The following TMEM117 variants were observed in gnomAD, a reference collection of about 807,000 sequenced individuals.
The protein encoded by TMEM117 is transmembrane protein 117.
Under a neutral mutation model 52.4 loss-of-function variants are expected in TMEM117, and 27 were observed. The observed-to-expected ratio is 0.51, with a 90% CI of 0.38 to 0.71. The LOEUF is 0.71. Among genes scored for constraint, TMEM117 ranks in the 30% least tolerant of loss-of-function variants. The pLI, the probability that TMEM117 is intolerant of heterozygous loss-of-function variation, is 0.00. For synonymous variants in TMEM117, 215 were observed against 206.3 expected (o/e 1.04, Z -0.36); for missense variants, 556 against 630.5 (o/e 0.88, Z 1.26).
At chr12:44,163,417 T>G (rs956558128) in intron 4 of TMEM117, among the ~76,000 whole-genome samples, 2 of 152,182 alleles carry the variant, frequency 1.3e-5, no homozygotes, top group Non-Finnish European at 2.9e-5. Flanking sequence ...TAATATAAAT[T>G]TTCTATCTTT....
intron 3 of TMEM117, among the ~76,000 whole-genome samples, chr12:44,093,775 T>G (rs1046570242): frequency 2.0e-5 from 3 of 152,020 alleles, no homozygotes; most frequent in African/African-American, 7.3e-5. Flanking sequence ...TGTGAGAAAA[T>G]TGATCTTTCT....
intron 2 of TMEM117, among the ~76,000 whole-genome samples, chr12:43,853,909 A>G (rs756998758): frequency 8.5e-5 from 13 of 152,152 alleles, no homozygotes; most frequent in Non-Finnish European, 1.8e-4. Context: ...TTCCTTATAG[A>G]TTTCAGGTCA....
chr12:43,913,307 G>A (rs1441839843), intron 2 of TMEM117, among the ~76,000 whole-genome samples: 2 of 152,116 alleles, frequency 1.3e-5, no homozygotes, highest in Non-Finnish European at 2.9e-5. Flanking sequence ...CCACAGGAAA[G>A]TGCCTCATAT....
At chr12:43,820,069 T>C in the TMEM117 span, among the ~76,000 whole-genome samples, 2 of 152,236 alleles carry the variant, frequency 1.3e-5, no homozygotes, top group Admixed American at 6.5e-5. Flanking sequence ...TCTACCTCTC[T>C]AGCTCTTAAC....
intron 5 of TMEM117, among the ~76,000 whole-genome samples, chr12:44,297,776 A>G (rs1304834113): frequency 1.3e-5 from 2 of 152,344 alleles, no homozygotes; most frequent in East Asian, 3.9e-4. Context: ...AGAAAACAAA[A>G]TCAAAAACAC....
chr12:44,148,406 G>A (rs1439250909), intron 4 of TMEM117, among the ~76,000 whole-genome samples: 1 of 152,130 alleles, frequency 6.6e-6, no homozygotes, highest in Non-Finnish European at 1.5e-5. Context: ...TTATTTCTCT[G>A]TATTGAGGAT....
intron 3 of TMEM117, among the ~76,000 whole-genome samples, chr12:44,138,865 CATT>C (rs1948529807): frequency 8.5e-5 from 13 of 152,088 alleles, no homozygotes; most frequent in Admixed American, 8.5e-4. Flanking sequence ...TGACTGGAGT[CATT>C]AATCTAGTTA....
chr12:43,797,692 A>G, the TMEM117 span: 1 of 1,609,168 alleles, frequency 6.2e-7, no homozygotes, highest in Non-Finnish European at 8.5e-7. Flanking sequence ...CTTAATAATC[A>G]TTATACATCT....
At chr12:44,277,920 T>C (rs1409474265) in intron 5 of TMEM117, among the ~76,000 whole-genome samples, 2 of 151,846 alleles carry the variant, frequency 1.3e-5, no homozygotes, top group Non-Finnish European at 2.9e-5. Context: ...CATGCCACCA[T>C]GCCCAGCTAA....
intron 2 of TMEM117, among the ~76,000 whole-genome samples, chr12:43,942,429 GATTAA>G (rs1945058507): frequency 6.6e-6 from 1 of 152,000 alleles, no homozygotes; most frequent in Non-Finnish European, 1.5e-5. Context: ...CATAATTATT[GATTAA>G]ATTAATCAGC....
intron 6 of TMEM117, among the ~76,000 whole-genome samples, chr12:44,342,863 GTTTGTT>G (rs1190160608): frequency 6.6e-6 from 1 of 151,804 alleles, no homozygotes; most frequent in Non-Finnish European, 1.5e-5. Context: ...AAAGAGAATG[GTTTGTT>G]TTTGTTTTTG....
chr12:44,242,540 T>C (rs1950075997), intron 5 of TMEM117, among the ~76,000 whole-genome samples: 1 of 151,786 alleles, frequency 6.6e-6, no homozygotes, highest in Non-Finnish European at 1.5e-5. Context: ...CAATCTGTCA[T>C]TGATGGGCAT....
Position 43,944,196 on chromosome 12 carries a change from T to C in TMEM117, c.278-14T>C. 2 of 1,601,610 alleles carry C rather than the reference T, an allele frequency of 1.2e-6. No individual in the cohort carries two copies. The highest frequency in any genetic ancestry group is 1.7e-6 in the Non-Finnish European group (2 of 1,174,694). On this transcript the variant is annotated splice_polypyrimidine_tract_variant and intron_variant, in intron 2 of 7. Transcript: ENST00000266534. ...TACAGTGTACATTAATTTTTAATAATATTTGTATTTCAGGTCAGTTGCTCC... is the reference window on the plus strand; with the variant it reads ...TACAGTGTACATTAATTTTTAATAACATTTGTATTTCAGGTCAGTTGCTCC...
At chr12:44,327,696 A>G (rs1335627570) in intron 6 of TMEM117, among the ~76,000 whole-genome samples, 2 of 152,012 alleles carry the variant, frequency 1.3e-5, no homozygotes, top group Non-Finnish European at 1.5e-5. Flanking sequence ...TCTTATTGTT[A>G]CATAGAAATA....
intron 3 of TMEM117, among the ~76,000 whole-genome samples, chr12:43,953,958 C>A (rs370159699): frequency 1.3e-5 from 2 of 152,296 alleles, no homozygotes; most frequent in East Asian, 1.9e-4. Flanking sequence ...AAAAGTCTCT[C>A]AGACCACAGT....
intron 3 of TMEM117, among the ~76,000 whole-genome samples, chr12:44,090,362 CTT>C (rs1324806679): frequency 6.6e-6 from 1 of 151,558 alleles, no homozygotes; most frequent in Non-Finnish European, 1.5e-5. Context: ...TTGTTCCTGT[CTT>C]TGAGTGCAGG....
At chr12:44,235,486 G>C (rs569683905) in intron 5 of TMEM117, among the ~76,000 whole-genome samples, 4 of 150,658 alleles carry the variant, frequency 2.7e-5, no homozygotes, top group Non-Finnish European at 4.4e-5. Context: ...CTTTTTTGAT[G>C]TTTTTGATTG....
chr12:44,242,477 T>G (rs1950075101), intron 5 of TMEM117, among the ~76,000 whole-genome samples: 1 of 151,922 alleles, frequency 6.6e-6, no homozygotes, highest in Non-Finnish European at 1.5e-5. Flanking sequence ...TCTCATTCTT[T>G]TTTTATGGCT....
chr12:43,997,581 A>C (rs1039559514), intron 3 of TMEM117, among the ~76,000 whole-genome samples: 1 of 152,216 alleles, frequency 6.6e-6, no homozygotes, highest in East Asian at 1.9e-4. Flanking sequence ...TTCTAAAAAT[A>C]AGAACACCTT....
Sources: allele counts gnomAD v4.1 joint callset (sites outside exome capture counted in the v4.1 genomes callset), GRCh38; gene constraint gnomAD v4.1.1; transcripts MANE v1.5; gene names NCBI Gene and HGNC (gene_info 2026-07-23, HGNC 2026-07-21).